Variants in ANKRD26 observed in about 807,000 individuals in gnomAD.
The protein encoded by ANKRD26 is ankyrin repeat domain-containing protein 26.
Under a neutral mutation model 208.7 loss-of-function variants are expected in ANKRD26, and 141 were observed. The ratio of observed to expected loss-of-function variants is 0.68; its 90% CI spans 0.59 to 0.78. ANKRD26 has a LOEUF of 0.78. Ranked by LOEUF, ANKRD26 falls within the 30% of genes least tolerant of loss-of-function variation. The pLI is 0.00. For missense variants in ANKRD26, 1,889 were observed against 1,938.7 expected (o/e 0.97, Z 0.48); for synonymous variants, 636 against 660.4 (o/e 0.96, Z 0.57).
chr10:27,086,399 C>A, intron 5 of ANKRD26, 140 bp downstream of exon 5: 1 of 1,078,348 alleles, frequency 9.3e-7, no homozygotes, highest in Non-Finnish European at 1.3e-6. Context: ...TTCTAGATTA[C>A]CAAGAGAAAT....
Position 27,100,486 on chromosome 10 carries a change from G to T in ANKRD26, c.-160C>A. ...TCCGGGTTACCAAGCAAGCGATCCC[G>T]CTAGACACAAGTGCGCATGCGCACC... On this transcript the variant is annotated 5_prime_UTR_variant, in exon 1 of 34. Coordinates refer to ENST00000376087, the MANE Select transcript of ANKRD26 (RefSeq NM_014915.3). 3 of 1,134,804 alleles carry T rather than the reference G, an allele frequency of 2.6e-6. No homozygotes were observed. Among genetic ancestry groups the T allele is most frequent in the Non-Finnish European group, 3.7e-6 (3 of 820,672 alleles). The allele number at this position is 1,134,804 out of a possible 1,614,324, so 70.3% of individuals were successfully genotyped here. A position where few individuals can be genotyped will look rare whatever the true frequency, so the allele number is the denominator to read the frequency against.
intron 20 of ANKRD26, among the ~76,000 whole-genome samples, chr10:27,041,630 GC>G: frequency 6.6e-6 from 1 of 152,240 alleles, no homozygotes; most frequent in East Asian, 1.9e-4. Context: ...TTGTAGAGAT[GC>G]AAATTACAAT....
chr10:27,077,264 A>C, intron 9 of ANKRD26, 74 bp downstream of exon 9: 1 of 1,237,406 alleles, frequency 8.1e-7, no homozygotes, highest in Non-Finnish European at 1.2e-6. Context: ...GATCATCTCA[A>C]TAGATGCATC....
intron 30 of ANKRD26, among the ~76,000 whole-genome samples, chr10:27,015,893 ATGT>A (rs1233774230): frequency 6.6e-6 from 1 of 152,194 alleles, no homozygotes; most frequent in Non-Finnish European, 1.5e-5. Flanking sequence ...ACACAAACTC[ATGT>A]TATTAAGTAG....
At chr10:26,977,946 CA>C (rs945549913) in intron 5 of ANKRD26, among the ~76,000 whole-genome samples, 7 of 151,650 alleles carry the variant, frequency 4.6e-5, no homozygotes, top group African/African-American at 1.7e-4. Flanking sequence ...ACAACAACAA[CA>C]AAAAAAACAG....
intron 25 of ANKRD26, among the ~76,000 whole-genome samples, chr10:27,032,800 G>C (rs905592621): frequency 6.8e-6 from 1 of 147,526 alleles, no homozygotes; most frequent in Non-Finnish European, 1.5e-5. Flanking sequence ...GGGCAACAGA[G>C]TGAGACTCTG....
intron 23 of ANKRD26, among the ~76,000 whole-genome samples, chr10:27,036,075 T>C (rs1043132122): frequency 6.6e-6 from 1 of 152,064 alleles, no homozygotes; most frequent in Non-Finnish European, 1.5e-5. Flanking sequence ...TTTGACCACA[T>C]TAAAAAATTG....
Position 27,060,397 on chromosome 10 carries a change from ATCTT to A in ANKRD26, c.1508_1511del (p.Lys503IlefsTer10), listed in dbSNP as rs1169788038. The A allele has an allele frequency of 1.2e-6, 2 of 1,612,918 alleles. No homozygotes were observed. Among genetic ancestry groups the A allele is most frequent in the African/African-American group, 1.3e-5 (1 of 75,022 alleles). The stretch of plus-strand genomic sequence containing the variant: ...TTCCTCCTGCTTTATTTGGAACAGA[ATCTT>A]TCATTTCAATGGTAGGCTGAATGGG... On this transcript the variant is annotated frameshift_variant, in exon 15 of 34. Coordinates refer to ENST00000376087, the MANE Select transcript of ANKRD26 (RefSeq NM_014915.3). LOFTEE classifies it high-confidence loss of function.
At chr10:26,947,597 GATTT>G in the ANKRD26 span, among the ~76,000 whole-genome samples, 1 of 152,058 alleles carries the variant, frequency 6.6e-6, no homozygotes, top group Admixed American at 6.6e-5. Flanking sequence ...TTCAATCTTT[GATTT>G]ATTGTTGAAA....
intron 4 of ANKRD26, among the ~76,000 whole-genome samples, chr10:27,087,739 G>T (rs543249168): frequency 1.5e-3 from 225 of 152,216 alleles, no homozygotes; most frequent in African/African-American, 5.1e-3. Context: ...TTGTTAGAAC[G>T]GTGCTTAATC....
intron 16 of ANKRD26, chr10:27,052,214 T>C (rs2054687261): frequency 2.1e-6 from 2 of 966,480 alleles, no homozygotes; most frequent in Non-Finnish European, 2.5e-6. Context: ...ACTTAGTCTA[T>C]GTTTAGTTAC....
In ANKRD26 at chr10:27,017,617, T is replaced by C. The variant is rs762858115; in HGVS notation, c.4391A>G (p.His1464Arg). ...AAGTTCTACCATATTCCTTTCTATA[T>C]GACTTCTCAGGTTGATCACTTCTTG... ...LEQEVINLRS[H>R]IERNMVELGQ... Residue 1464 changes from histidine to arginine, a missense_variant, in exon 30 of 34, where the codon CAT becomes CGT. Around this residue, in one of 3 missense-constraint regions of ANKRD26, gnomAD observed 613 missense variants for 648.2 expected, o/e 0.95. Transcript: ENST00000376087. The C allele has an allele frequency of 4.3e-6, 7 of 1,613,602 alleles. No homozygotes were observed. Among genetic ancestry groups the C allele is most frequent in the Non-Finnish European group, 5.9e-6 (7 of 1,179,838 alleles).
chr10:27,100,083 A>G lies in ANKRD26; in HGVS notation c.242+2T>C. On this transcript the variant is annotated splice_donor_variant, in intron 1 of 33. Coordinates refer to ENST00000376087, the MANE Select transcript of ANKRD26 (RefSeq NM_014915.3). LOFTEE classifies it high-confidence loss of function. ...TCAGTCCGGGCTTGCGACGCCTATT[A>G]CCTGTTCATCTTGTCTCTATCGTTC... 1 of 1,613,794 alleles carries G rather than the reference A, an allele frequency of 6.2e-7. No homozygotes were observed. Among genetic ancestry groups the G allele is most frequent in the Non-Finnish European group, 8.5e-7 (1 of 1,179,916 alleles).
At chr10:26,987,782 TAGAAGGGTCTCAAG>T (rs1272430812), downstream of ANKRD26, among the ~76,000 whole-genome samples, 3 of 152,114 alleles carry the variant, frequency 2.0e-5, no homozygotes, top group Non-Finnish European at 2.9e-5. Context: ...GATGAGAGTT[TAGAAGGGTCTCAAG>T]AGAATGCGGT....
At chr10:26,965,203 G>A in the ANKRD26 span, among the ~76,000 whole-genome samples, 3 of 152,228 alleles carry the variant, frequency 2.0e-5, no homozygotes, top group East Asian at 5.8e-4. Context: ...AACAAAGCTG[G>A]AGGCATCACG....
At chr10:26,966,623 T>A in the ANKRD26 span, among the ~76,000 whole-genome samples, 1 of 152,046 alleles carries the variant, frequency 6.6e-6, no homozygotes, top group African/African-American at 2.4e-5. Flanking sequence ...AAGAAAAAAA[T>A]TGTTCAATTT....
chr10:26,986,694 G>A (rs2052394227), intron 3 of ANKRD26, among the ~76,000 whole-genome samples: 1 of 152,118 alleles, frequency 6.6e-6, no homozygotes, highest in African/African-American at 2.4e-5. Flanking sequence ...CATCATCACT[G>A]GCCATCAGAG....
rs769360694 is a variant in ANKRD26 at position 27,034,794 on chromosome 10, ACTTCTCTTT to A, written c.3647_3654+1del. Reference sequence around the variant, plus strand: ...AAAATATTTATCTTTCTTGATACTTACTTCTCTTTCTGCCTTTTCATTTTCATATTGATA... The same window carrying A: ...AAAATATTTATCTTTCTTGATACTTACTGCCTTTTCATTTTCATATTGATA... On this transcript the variant is annotated splice_donor_variant and coding_sequence_variant, in exon 24 of 34. Coordinates refer to ENST00000376087, the MANE Select transcript of ANKRD26 (RefSeq NM_014915.3). LOFTEE classifies it high-confidence loss of function. The A allele has an allele frequency of 6.3e-7, 1 of 1,585,118 alleles. No individual in the cohort carries two copies. Among genetic ancestry groups the A allele is most frequent in the Non-Finnish European group, 8.6e-7 (1 of 1,158,638 alleles).
At chr10:27,071,938 C>T (rs1465168929) in intron 9 of ANKRD26, among the ~76,000 whole-genome samples, 1 of 152,236 alleles carries the variant, frequency 6.6e-6, no homozygotes, top group Non-Finnish European at 1.5e-5. Flanking sequence ...CATTCTTGAT[C>T]CTACCTCACA....
Sources: gnomAD v4.1 joint callset for allele counts (sites outside exome capture counted in the v4.1 genomes callset) on GRCh38, gnomAD v4.1.1 for gene constraint, gnomAD v4.1.1 regional missense constraint, MANE v1.5 for transcripts, NCBI Gene and HGNC (gene_info 2026-07-23, HGNC 2026-07-21) for gene names.